The following MECOM variants were observed in gnomAD, a reference collection of about 807,000 sequenced individuals.
MECOM encodes MDS1 and EVI1 complex locus.
Under a neutral mutation model 116.3 loss-of-function variants are expected in MECOM, and 13 were observed. That is an observed-to-expected ratio of 0.11 (90% CI 0.07 to 0.18). MECOM has a LOEUF of 0.18. Among genes scored for constraint, MECOM ranks in the 10% least tolerant of loss-of-function variants. The pLI is 1.00. For missense variants in MECOM, 1,299 were observed against 1,509.0 expected, an observed-to-expected ratio of 0.86 and a Z score of 2.31; for synonymous variants, 528 against 535.2, an observed-to-expected ratio of 0.99 and a Z score of 0.19.
At chr3:169,333,170 C>G (rs1723033335) in intron 2 of MECOM, among the ~76,000 whole-genome samples, 1 of 152,030 alleles carries the variant, frequency 6.6e-6, no homozygotes, top group Admixed American at 6.6e-5. Flanking sequence ...CATCTAGCAT[C>G]AACTATTCAT....
rs1428274897 is a variant in MECOM at position 169,143,757 on chromosome 3, T to C, written c.451A>G (p.Ile151Val). 6.2e-7 allele frequency: 1 copy of C among 1,611,386 alleles called. No individual in the cohort carries two copies. The highest frequency in any genetic ancestry group is 1.3e-5 in the African/African-American group (1 of 74,826). The change falls in exon 3 of 17, where the codon ATT (isoleucine) becomes GTT (valine). Residue 151 changes from isoleucine to valine, a missense_variant. By Grantham distance (29) the Ile-to-Val change is conservative. Coordinates refer to ENST00000651503, the MANE Select transcript of MECOM (RefSeq NM_004991.4). ...TGATCATAACAGCCAGCGAATCTAA[T>C]GTACTTGAGCCAGCTTCCAACATCT... ...QPDVGSWLKY[I>V]RFAGCYDQHN...
intron 1 of MECOM, among the ~76,000 whole-genome samples, chr3:169,619,343 C>T (rs1770420415): frequency 6.6e-6 from 1 of 152,172 alleles, no homozygotes; most frequent in African/African-American, 2.4e-5. Flanking sequence ...CACACAGCTC[C>T]ACATCCCACA....
At chr3:169,227,028 T>C (rs1290268969) in intron 2 of MECOM, among the ~76,000 whole-genome samples, 1 of 152,146 alleles carries the variant, frequency 6.6e-6, no homozygotes, top group Non-Finnish European at 1.5e-5. Flanking sequence ...AGGCAAGTCA[T>C]TGGCTGGACA....
At chr3:169,498,474 A>G (rs546539071) in intron 1 of MECOM, among the ~76,000 whole-genome samples, 1 of 152,336 alleles carries the variant, frequency 6.6e-6, no homozygotes, top group South Asian at 2.1e-4. Flanking sequence ...CCCAAAGATG[A>G]ACAGTAGGTT....
intron 1 of MECOM, among the ~76,000 whole-genome samples, chr3:169,531,523 A>G (rs1758624663): frequency 6.6e-6 from 1 of 152,204 alleles, no homozygotes; most frequent in Admixed American, 6.5e-5. Context: ...TACACATGGA[A>G]AAATATTGAA....
chr3:169,605,632 G>A (rs1375136052), intron 1 of MECOM, among the ~76,000 whole-genome samples: 1 of 152,178 alleles, frequency 6.6e-6, no homozygotes, highest in Non-Finnish European at 1.5e-5. Flanking sequence ...GAAGAGAAGA[G>A]TGAAAAGAAT....
chr3:169,308,131 T>C (rs931584109), intron 2 of MECOM, among the ~76,000 whole-genome samples: 3 of 152,190 alleles, frequency 2.0e-5, no homozygotes, highest in African/African-American at 4.8e-5. Flanking sequence ...AAGTTGTAAT[T>C]ATACGTAAAT....
At chr3:169,133,866 A>G (rs1416124789) in intron 3 of MECOM, 1 of 1,230,308 alleles carries the variant, frequency 8.1e-7, no homozygotes, top group East Asian at 5.6e-5. Flanking sequence ...CTGGAGTTCT[A>G]TTTCCCCTTA....
At position 169,639,672 on chromosome 3, in the gene MECOM, G is replaced by A. The variant is rs577429881; in HGVS notation, c.37+23664C>T. On this transcript the variant is annotated intron_variant, in intron 1 of 16. Transcript: ENST00000651503. Reference sequence around the variant, plus strand: ...ATACTTCATTATACATGAAACTCTTGTAATCAGTATAGGGAAAAGGAATAA... The same window carrying A: ...ATACTTCATTATACATGAAACTCTTATAATCAGTATAGGGAAAAGGAATAA... Among the ~76,000 whole-genome samples, 97 of 152,106 alleles carry A rather than the reference G, an allele frequency of 6.4e-4. 1 individual carries two copies. The South Asian group carries it at 0.01, about 16-fold the overall frequency.
intron 1 of MECOM, among the ~76,000 whole-genome samples, chr3:169,630,937 C>T (rs1772006188): frequency 6.6e-6 from 1 of 152,214 alleles, no homozygotes; most frequent in African/African-American, 2.4e-5. Context: ...AATTCATTCT[C>T]ATGAGACTTT....
intron 7 of MECOM, among the ~76,000 whole-genome samples, chr3:169,117,302 T>C (rs1729486308): frequency 6.6e-6 from 1 of 152,226 alleles, no homozygotes; most frequent in South Asian, 2.1e-4. Flanking sequence ...GCTCTCATCA[T>C]TCACACATCA....
intron 5 of MECOM, among the ~76,000 whole-genome samples, chr3:169,123,192 C>G (rs1731621117): frequency 6.6e-6 from 1 of 151,168 alleles, no homozygotes; most frequent in Admixed American, 6.6e-5. Context: ...GAAACACAAA[C>G]ACTCAAACAG....
intron 1 of MECOM, among the ~76,000 whole-genome samples, chr3:169,474,290 T>C (rs190095170): frequency 4.1e-4 from 63 of 152,344 alleles, no homozygotes; most frequent in African/African-American, 1.4e-3. Context: ...CGTCAGTTCC[T>C]GAAGTCCAGC....
At chr3:169,137,023 A>T (rs1203072780) in intron 3 of MECOM, among the ~76,000 whole-genome samples, 1 of 152,112 alleles carries the variant, frequency 6.6e-6, no homozygotes. Context: ...ACTGAGAGAA[A>T]ACCTTTTCTG....
chr3:169,097,329 A>C (rs1310500395), intron 12 of MECOM, among the ~76,000 whole-genome samples: 8 of 152,116 alleles, frequency 5.3e-5, no homozygotes, highest in Admixed American at 5.2e-4. Flanking sequence ...TCCTCTGCTA[A>C]AGTCTTGGCC....
intron 1 of MECOM, among the ~76,000 whole-genome samples, chr3:169,558,694 T>C (rs1762306655): frequency 6.6e-6 from 1 of 152,206 alleles, no homozygotes; most frequent in Non-Finnish European, 1.5e-5. Flanking sequence ...AATACACTGC[T>C]TTAATAATTT....
intron 1 of MECOM, among the ~76,000 whole-genome samples, chr3:169,462,660 C>G (rs1747647769): frequency 1.3e-5 from 2 of 152,098 alleles, no homozygotes; most frequent in East Asian, 3.9e-4. Flanking sequence ...GGAAAACATC[C>G]TTACGAAAAA....
At chr3:169,506,766 C>T (rs1755281724) in intron 1 of MECOM, among the ~76,000 whole-genome samples, 1 of 152,082 alleles carries the variant, frequency 6.6e-6, no homozygotes, top group South Asian at 2.1e-4. Context: ...AGGAGGTAGT[C>T]CCTGGAAGGA....
chr3:169,143,224 A>C (rs1738665507), intron 3 of MECOM, among the ~76,000 whole-genome samples: 1 of 152,086 alleles, frequency 6.6e-6, no homozygotes, highest in African/African-American at 2.4e-5. Flanking sequence ...CTCATTTATA[A>C]TTAGGCAAAT....
Sources: gnomAD v4.1 joint callset for allele counts (sites outside exome capture counted in the v4.1 genomes callset) on GRCh38, gnomAD v4.1.1 for gene constraint, MANE v1.5 for transcripts, NCBI Gene and HGNC (gene_info 2026-07-23, HGNC 2026-07-21) for gene names.